RYR2: variants seen among roughly 807,000 people sequenced by gnomAD.
RYR2 encodes cardiac muscle ryanodine receptor-calcium release channel.
Under a neutral mutation model 601.1 loss-of-function variants are expected in RYR2, and 227 were observed. The ratio of observed to expected loss-of-function variants is 0.38; its 90% CI spans 0.34 to 0.42. The LOEUF is 0.42. RYR2 is among the 10% of genes least tolerant of loss of function. RYR2 has a pLI of 1.00. For missense variants in RYR2, 4,646 were observed against 6,156.5 expected, an observed-to-expected ratio of 0.75 and a Z score of 8.21; for synonymous variants, 2,223 against 2,175.1, an observed-to-expected ratio of 1.02 and a Z score of -0.61.
At chr1:237,518,082 A>T (rs1182636584) in intron 24 of RYR2, among the ~76,000 whole-genome samples, 1 of 151,960 alleles carries the variant, frequency 6.6e-6, no homozygotes, top group African/African-American at 2.4e-5. Flanking sequence ...TAATCTATCG[A>T]CTTCTTTATT....
At chr1:237,240,275 A>G (rs1686007332) in intron 1 of RYR2, among the ~76,000 whole-genome samples, 4 of 152,160 alleles carry the variant, frequency 2.6e-5, no homozygotes, top group Admixed American at 2.6e-4. Context: ...ACACTACATA[A>G]TTCTCTAATG....
chr1:237,811,172 T>G (rs1202333808), intron 100 of RYR2, among the ~76,000 whole-genome samples: 1 of 152,166 alleles, frequency 6.6e-6, no homozygotes, highest in Non-Finnish European at 1.5e-5. Flanking sequence ...ATTCCCACAA[T>G]TAGTATAACT....
chr1:237,743,650 G>T (rs1197135446), intron 80 of RYR2: 1 of 517,000 alleles, frequency 1.9e-6, no homozygotes, highest in Non-Finnish European at 3.9e-6. Context: ...GTGTGTATTT[G>T]TCTGGGTCTG....
chr1:237,548,866 A>G (rs763384807), intron 26 of RYR2, among the ~76,000 whole-genome samples: 84 of 152,138 alleles, frequency 5.5e-4, no homozygotes, highest in Non-Finnish European at 3.5e-4. Context: ...CTGAGACTGT[A>G]TTTTAGGAGA....
chr1:237,679,824 G>C (rs955265447), intron 61 of RYR2, among the ~76,000 whole-genome samples: 1 of 152,188 alleles, frequency 6.6e-6, no homozygotes, highest in South Asian at 2.1e-4. Flanking sequence ...ATAGGATATG[G>C]AGTATGGGAA....
At chr1:237,081,621 G>GCA (rs1377723551) in intron 1 of RYR2, among the ~76,000 whole-genome samples, 1 of 150,934 alleles carries the variant, frequency 6.6e-6, no homozygotes, top group Non-Finnish European at 1.5e-5. Flanking sequence ...ACACACATAC[G>GCA]CACACACTCT....
chr1:237,515,633 TC>T (rs1666346985), intron 24 of RYR2, among the ~76,000 whole-genome samples: 2 of 58,334 alleles, frequency 3.4e-5, no homozygotes, highest in Admixed American at 2.3e-4. Context: ...CTCCCCTCCC[TC>T]CATCACCCAC....
At chr1:237,212,119 G>T (rs950149163) in intron 1 of RYR2, among the ~76,000 whole-genome samples, 9 of 151,828 alleles carry the variant, frequency 5.9e-5, no homozygotes, top group African/African-American at 1.9e-4. Context: ...TGTTTACAAA[G>T]AAAGTTCTTT....
intron 17 of RYR2, among the ~76,000 whole-genome samples, chr1:237,484,602 C>T (rs1662478611): frequency 6.6e-6 from 1 of 152,224 alleles, no homozygotes; most frequent in African/African-American, 2.4e-5. Flanking sequence ...ACGTAGAGCA[C>T]TCTTGCCCTG....
chr1:237,212,244 T>G (rs890227314), intron 1 of RYR2, among the ~76,000 whole-genome samples: 1 of 151,854 alleles, frequency 6.6e-6, no homozygotes, highest in Non-Finnish European at 1.5e-5. Flanking sequence ...TATTTATTAA[T>G]CTTTTCTCAT....
chr1:237,666,566 G>A lies in RYR2; in HGVS notation c.8491G>A (p.Val2831Ile). ...TCCCCGGGCCATTGACATGAGCAAT[G>A]TTACACTATCTAGAGACCTGCATGT... is the stretch of plus-strand genomic sequence containing the variant. ...YSPRAIDMSN[V>I]TLSRDLHAMA... The change falls in exon 57 of 105, where the codon GTT (valine) becomes ATT (isoleucine). Residue 2831 changes from valine (V) to isoleucine (I), a missense_variant. By Grantham distance (29) the Val-to-Ile change is conservative. Around this residue, in one of 17 missense-constraint regions of RYR2, gnomAD observed 1,497 missense variants for 1,842.6 expected, o/e 0.81. Coordinates refer to ENST00000366574, the MANE Select transcript of RYR2 (RefSeq NM_001035.3). 1 of 1,612,610 alleles carries A rather than the reference G, an allele frequency of 6.2e-7. No individual in the cohort carries two copies. The highest frequency in any genetic ancestry group is 8.5e-7 in the Non-Finnish European group (1 of 1,179,264).
At chr1:237,198,962 A>G (rs1680873972) in intron 1 of RYR2, among the ~76,000 whole-genome samples, 1 of 152,174 alleles carries the variant, frequency 6.6e-6, no homozygotes, top group African/African-American at 2.4e-5. Flanking sequence ...TGCACCAAGA[A>G]TTTAACAAAC....
intron 17 of RYR2, among the ~76,000 whole-genome samples, chr1:237,489,083 G>A (rs1346360978): frequency 2.0e-5 from 3 of 152,112 alleles, no homozygotes; most frequent in Admixed American, 6.6e-5. Flanking sequence ...CAGGTGCATA[G>A]AATACACAAT....
intron 17 of RYR2, among the ~76,000 whole-genome samples, chr1:237,488,796 G>C (rs980011799): frequency 1.1e-4 from 17 of 151,786 alleles, no homozygotes; most frequent in African/African-American, 3.6e-4. Context: ...ACCATCCTTC[G>C]CTGACTCCTT....
chr1:237,369,611 G>A lies in RYR2; in HGVS notation c.384+3G>A. On this transcript the variant is annotated splice_donor_region_variant and intron_variant, in intron 6 of 104. Coordinates refer to ENST00000366574, the MANE Select transcript of RYR2 (RefSeq NM_001035.3). ...TGCGCCATTCCTATAGTGGCATGGT[G>A]AGTAGGCATTTGATTTCATCTCCCT... is the stretch of plus-strand genomic sequence containing the variant. 6.4e-7 allele frequency: 1 copy of A among 1,556,942 alleles called. No individual in the cohort carries two copies. Among genetic ancestry groups the A allele is most frequent in the Non-Finnish European group, 8.7e-7 (1 of 1,148,992 alleles).
chr1:237,332,445 C>A (rs941339416), intron 3 of RYR2, among the ~76,000 whole-genome samples: 3 of 151,976 alleles, frequency 2.0e-5, no homozygotes, highest in Non-Finnish European at 4.4e-5. Context: ...TATAAAGTTT[C>A]TTTTAAAAAT....
chr1:237,724,201 ATATATATATATATATATG>A (rs1370880182), intron 74 of RYR2, among the ~76,000 whole-genome samples: 1 of 147,538 alleles, frequency 6.8e-6, no homozygotes, highest in Non-Finnish European at 1.5e-5. Context: ...ATATATATAT[ATATATATATATATATATG>A]TATGTGTGAT....
intron 29 of RYR2, among the ~76,000 whole-genome samples, chr1:237,578,914 G>A (rs1673575950): frequency 6.6e-6 from 1 of 152,090 alleles, no homozygotes; most frequent in Non-Finnish European, 1.5e-5. Context: ...ATGGAGAAAT[G>A]GTCTCTTCCT....
intron 12 of RYR2, among the ~76,000 whole-genome samples, chr1:237,441,113 T>C (rs1424430640): frequency 1.3e-5 from 2 of 152,176 alleles, no homozygotes; most frequent in Admixed American, 1.3e-4. Context: ...TTTTACATTA[T>C]GGCAAAAATA....
Sources: allele counts gnomAD v4.1 joint callset (sites outside exome capture counted in the v4.1 genomes callset), GRCh38; gene constraint gnomAD v4.1.1; regional missense constraint gnomAD v4.1.1; transcripts MANE v1.5; gene names NCBI Gene and HGNC (gene_info 2026-07-23, HGNC 2026-07-21).